ZNG1F: variants seen among roughly 807,000 people sequenced by gnomAD.
ZNG1F encodes Zn regulated GTPase metalloprotein activator 1F, also known as zinc-regulated GTPase metalloprotein activator 1F.
chr9:41,158,854 G>T, the ZNG1F span: 1 of 93,752 alleles, frequency 1.1e-5, no homozygotes, highest in Admixed American at 1.3e-4. Flanking sequence ...CTTTTCCAAA[G>T]CATTAAAATC....
At chr9:41,199,747 A>G in the ZNG1F span, among the ~76,000 whole-genome samples, 1 of 152,076 alleles carries the variant, frequency 6.6e-6, no homozygotes, top group African/African-American at 2.4e-5. Context: ...CCCCTACAGC[A>G]AACTTCTACA....
At chr9:41,187,690 G>A in the ZNG1F span, among the ~76,000 whole-genome samples, 2 of 140,174 alleles carry the variant, frequency 1.4e-5, no homozygotes, top group African/African-American at 5.3e-5. Flanking sequence ...GATCACAGAA[G>A]CAGGATTTGG....
the ZNG1F span, among the ~76,000 whole-genome samples, chr9:41,173,549 T>C: frequency 2.7e-4 from 39 of 143,406 alleles, no homozygotes; most frequent in Admixed American, 1.0e-3. Flanking sequence ...AGGCATATCA[T>C]TGCCCAAAAG....
the ZNG1F span, among the ~76,000 whole-genome samples, chr9:41,169,892 TA>T: frequency 7.2e-6 from 1 of 138,216 alleles, no homozygotes; most frequent in East Asian, 2.1e-4. Context: ...CTCTCTGAAA[TA>T]ACACCACTGT....
At chr9:41,193,480 G>T in the ZNG1F span, among the ~76,000 whole-genome samples, 1 of 148,822 alleles carries the variant, frequency 6.7e-6, no homozygotes, top group African/African-American at 2.5e-5. Context: ...TTAAAAAACA[G>T]GTCCCAAAAT....
chr9:41,145,590 C>T, the ZNG1F span: 1 of 308,352 alleles, frequency 3.2e-6, no homozygotes, highest in East Asian at 5.8e-5. Flanking sequence ...AGTCTTTTAG[C>T]AACACTATTT....
At chr9:41,149,983 T>C in the ZNG1F span, among the ~76,000 whole-genome samples, 17 of 121,916 alleles carry the variant, frequency 1.4e-4, no homozygotes, top group African/African-American at 4.2e-4. Flanking sequence ...GATGGCCGAA[T>C]AGGAACAGCT....
the ZNG1F span, among the ~76,000 whole-genome samples, chr9:41,134,188 T>C: frequency 2.7e-5 from 4 of 146,308 alleles, no homozygotes; most frequent in East Asian, 2.0e-4. Context: ...ATTTTATAAA[T>C]TGGGGAAAAT....
chr9:41,166,502 A>C, the ZNG1F span, among the ~76,000 whole-genome samples: 1 of 142,398 alleles, frequency 7.0e-6, no homozygotes, highest in East Asian at 2.0e-4. Context: ...GAAATTGTAT[A>C]ACAAGAAAAT....
the ZNG1F span, chr9:41,157,839 TTAG>T: frequency 6.8e-6 from 1 of 147,204 alleles, no homozygotes; most frequent in East Asian, 2.1e-4. Context: ...AAGTTCTATG[TTAG>T]TAGACTATAA....
the ZNG1F span, chr9:41,132,106 A>G: frequency 1.9e-6 from 3 of 1,548,986 alleles, no homozygotes; most frequent in Non-Finnish European, 2.6e-6. Context: ...TGAAACATTG[A>G]CCACAAGCTT....
chr9:41,169,813 A>G, the ZNG1F span, among the ~76,000 whole-genome samples: 1 of 147,908 alleles, frequency 6.8e-6, no homozygotes. Context: ...TATACCTTAA[A>G]TATATATAGT....
chr9:41,183,657 C>A, the ZNG1F span: 49 of 1,605,298 alleles, frequency 3.1e-5, 4 homozygotes, highest in African/African-American at 6.3e-4. Flanking sequence ...CTCCAGCGCA[C>A]TTCCTAGAAT....
chr9:41,158,904 C>T, the ZNG1F span: 1 of 139,698 alleles, frequency 7.2e-6, no homozygotes, highest in Non-Finnish European at 1.6e-5. Flanking sequence ...AGACCATTAC[C>T]AGCATTTTAA....
the ZNG1F span, among the ~76,000 whole-genome samples, chr9:41,140,035 CTA>C: frequency 1.3e-5 from 2 of 149,434 alleles, no homozygotes; most frequent in African/African-American, 4.9e-5. Context: ...TAGAGATCTG[CTA>C]TATAACAATG....
chr9:41,149,963 G>A, the ZNG1F span, among the ~76,000 whole-genome samples: 2 of 136,916 alleles, frequency 1.5e-5, no homozygotes, highest in Non-Finnish European at 3.2e-5. Flanking sequence ...AGAGAGGAGA[G>A]AGGAGCCAAG....
chr9:41,158,801 G>A, the ZNG1F span: 3 of 103,402 alleles, frequency 2.9e-5, no homozygotes, highest in African/African-American at 1.0e-4. Context: ...TAATTTCCAT[G>A]GCATCAAATT....
At chr9:41,184,144 G>A in the ZNG1F span, among the ~76,000 whole-genome samples, 6 of 151,212 alleles carry the variant, frequency 4.0e-5, no homozygotes, top group African/African-American at 1.2e-4. Flanking sequence ...AGTTCATCCT[G>A]AGGAAGGTTT....
chr9:41,168,514 G>T, the ZNG1F span, among the ~76,000 whole-genome samples: 2 of 34,164 alleles, frequency 5.9e-5, no homozygotes, highest in Non-Finnish European at 7.6e-5. Context: ...AAAGGCTCAA[G>T]AAATATTTGT....
Sources: gnomAD v4.1 joint callset for allele counts (sites outside exome capture counted in the v4.1 genomes callset) on GRCh38, gnomAD v4.1.1 for gene constraint, MANE v1.5 for transcripts, NCBI Gene and HGNC (gene_info 2026-07-23, HGNC 2026-07-21) for gene names.